Variants in CDK17 observed in about 807,000 individuals in gnomAD.
The protein encoded by CDK17 is cyclin dependent kinase 17, also known as cyclin-dependent kinase 17.
Under a neutral mutation model 77.6 loss-of-function variants are expected in CDK17, and 24 were observed. That is an observed-to-expected ratio of 0.31 (90% CI 0.22 to 0.44). The LOEUF is 0.44. Among genes scored for constraint, CDK17 ranks in the 20% least tolerant of loss-of-function variants. The probability of loss-of-function intolerance (pLI) is 1.00; values close to 1 mark genes in which losing one functional copy is unlikely to be tolerated. For missense variants in CDK17, 429 were observed against 622.5 expected, an observed-to-expected ratio of 0.69 and a Z score of 3.31; for synonymous variants, 203 against 210.4, an observed-to-expected ratio of 0.96 and a Z score of 0.30.
intron 1 of CDK17, among the ~76,000 whole-genome samples, chr12:96,357,263 T>C (rs1347791346): frequency 1.3e-5 from 2 of 152,036 alleles, no homozygotes; most frequent in East Asian, 1.9e-4. Flanking sequence ...AGTTTGAGAC[T>C]AGCCTAGGCA....
chr12:96,290,279 C>T (rs1036608684), intron 10 of CDK17, among the ~76,000 whole-genome samples: 33 of 152,268 alleles, frequency 2.2e-4, no homozygotes, highest in South Asian at 1.0e-3. Flanking sequence ...GCTATTACCT[C>T]GAAGCCTCTA....
intron 1 of CDK17, among the ~76,000 whole-genome samples, chr12:96,396,519 ATTGT>A (rs1229294987): frequency 1.3e-5 from 2 of 152,176 alleles, no homozygotes; most frequent in African/African-American, 2.4e-5. Context: ...CCATAAACCT[ATTGT>A]TTATCTTCTG....
At chr12:96,289,560 T>C (rs1416628246) in intron 10 of CDK17, among the ~76,000 whole-genome samples, 1 of 152,248 alleles carries the variant, frequency 6.6e-6, no homozygotes, top group Non-Finnish European at 1.5e-5. Context: ...TGGGTGAATC[T>C]AAACTTAAGA....
chr12:96,305,619 A>G (rs1316746186), intron 5 of CDK17, among the ~76,000 whole-genome samples: 1 of 152,188 alleles, frequency 6.6e-6, no homozygotes, highest in Non-Finnish European at 1.5e-5. Context: ...AAGGGGGACA[A>G]CTTCTCAAGA....
chr12:96,396,474 C>G (rs2137254639), intron 1 of CDK17, among the ~76,000 whole-genome samples: 1 of 152,294 alleles, frequency 6.6e-6, no homozygotes, highest in Non-Finnish European at 1.5e-5. Context: ...GTTTTTTTAA[C>G]TTCAAAAATG....
chr12:96,310,845 C>G (rs543340209), intron 5 of CDK17, among the ~76,000 whole-genome samples: 2 of 151,064 alleles, frequency 1.3e-5, no homozygotes, highest in African/African-American at 4.9e-5. Context: ...TACCTTAAAT[C>G]CTATTCCAAT....
intron 2 of CDK17, among the ~76,000 whole-genome samples, chr12:96,333,269 T>A (rs1385184263): frequency 1.3e-5 from 2 of 152,112 alleles, no homozygotes; most frequent in Non-Finnish European, 2.9e-5. Context: ...TGTTTGAGAT[T>A]TGACCCAAAT....
intron 1 of CDK17, among the ~76,000 whole-genome samples, chr12:96,341,846 T>C (rs1953126771): frequency 6.6e-6 from 1 of 152,230 alleles, no homozygotes; most frequent in Non-Finnish European, 1.5e-5. Context: ...ACTCTTTGCA[T>C]ACAATTTCAC....
intron 1 of CDK17, chr12:96,399,464 C>G (rs1037790013): frequency 5.3e-5 from 8 of 152,360 alleles, no homozygotes; most frequent in African/African-American, 1.9e-4. Context: ...CACCCGCGCA[C>G]AGCGCCAGCG....
chr12:96,333,430 C>T (rs184532615), intron 2 of CDK17, among the ~76,000 whole-genome samples: 161 of 151,988 alleles, frequency 1.1e-3, no homozygotes, highest in Non-Finnish European at 2.0e-3. Flanking sequence ...TTTGGGAGGT[C>T]GAGGCAGGCA....
At position 96,286,668 on chromosome 12, in the gene CDK17, C is replaced by A; in HGVS notation, c.1212G>T (p.Leu404=). ...VEDELHLIFR[L]LGTPSQETWP... ...GGAAAAGATTTCTTCTGTTACCTAG[C>A]AGTCGGAAAATTAAGTGCAGTTCAT... The change falls in exon 12 of 17, where the codon CTG becomes CTT. Residue 404 remains leucine, a synonymous_variant. Transcript: ENST00000261211. 6.2e-7 allele frequency: 1 copy of A among 1,610,490 alleles called. No homozygotes were observed. Among genetic ancestry groups the A allele is most frequent in the Non-Finnish European group, 8.5e-7 (1 of 1,176,954 alleles).
chr12:96,298,839 A>G (rs754809589), intron 7 of CDK17, 30 bp downstream of exon 7: 2 of 1,207,514 alleles, frequency 1.7e-6, no homozygotes, highest in Non-Finnish European at 1.2e-6. Context: ...CACCACTTTG[A>G]TTTTAAAATG....
chr12:96,389,628 G>A (rs899917990), intron 1 of CDK17, among the ~76,000 whole-genome samples: 7 of 152,030 alleles, frequency 4.6e-5, no homozygotes, highest in African/African-American at 1.7e-4. Context: ...GATCTCAAAA[G>A]CTCAATACAA....
At chr12:96,391,621 C>T (rs913781754) in intron 1 of CDK17, among the ~76,000 whole-genome samples, 6 of 152,262 alleles carry the variant, frequency 3.9e-5, no homozygotes, top group South Asian at 2.1e-4. Flanking sequence ...AATTTTACTC[C>T]TGATACACTG....
chr12:96,361,180 T>C (rs1409745061), intron 1 of CDK17, among the ~76,000 whole-genome samples: 1 of 152,186 alleles, frequency 6.6e-6, no homozygotes, highest in Non-Finnish European at 1.5e-5. Flanking sequence ...AGGAAATGGC[T>C]AGTTGATGCT....
intron 1 of CDK17, among the ~76,000 whole-genome samples, chr12:96,353,233 T>C (rs572771828): frequency 1.2e-4 from 18 of 152,320 alleles, no homozygotes; most frequent in African/African-American, 3.1e-4. Flanking sequence ...TGTTTTCCCA[T>C]GAAGTATTAC....
rs11313631 is a variant in CDK17 at position 96,294,584 on chromosome 12, C to CA, written c.997+414dup. On this transcript the variant is annotated intron_variant, in intron 10 of 16. Transcript: ENST00000261211. ...GGCTTTAACAGCAAAATGCTGTCTT[C>CA]AAAAAAAAAAAAAAAAAAAAAAAAA... Among the ~76,000 whole-genome samples the CA allele has an allele frequency of 2.8e-3, 153 of 54,332 alleles. 13 individuals are homozygous for CA. Among genetic ancestry groups the CA allele is most frequent in the African/African-American group, 6.5e-3 (79 of 12,136 alleles). The allele number at this position is 54,332 out of a possible 152,430, so 35.6% of individuals were successfully genotyped here.
intron 10 of CDK17, among the ~76,000 whole-genome samples, chr12:96,292,858 T>A (rs1485305071): frequency 6.6e-6 from 1 of 152,000 alleles, no homozygotes; most frequent in Non-Finnish European, 1.5e-5. Flanking sequence ...AAAAAATAGA[T>A]AAATAGCTAC....
chr12:96,322,697 G>A (rs1188957190), intron 3 of CDK17, among the ~76,000 whole-genome samples: 2 of 152,130 alleles, frequency 1.3e-5, no homozygotes, highest in African/African-American at 2.4e-5. Flanking sequence ...AAAAAATAAC[G>A]CCGGTGGCAT....
Sources: allele counts gnomAD v4.1 joint callset (sites outside exome capture counted in the v4.1 genomes callset), GRCh38; gene constraint gnomAD v4.1.1; transcripts MANE v1.5; gene names NCBI Gene and HGNC (gene_info 2026-07-23, HGNC 2026-07-21).